The following RIMS2 variants were observed in gnomAD, a reference collection of about 807,000 sequenced individuals.
RIMS2 encodes regulating synaptic membrane exocytosis 2.
In RIMS2, 59 loss-of-function variants were observed where a neutral mutation model predicts 174.4. That is an observed-to-expected ratio of 0.34 (90% CI 0.27 to 0.42). The LOEUF (loss-of-function observed/expected upper bound fraction) is 0.42. Ranked by LOEUF, RIMS2 falls within the 10% of genes least tolerant of loss-of-function variation. The pLI is 1.00. For missense variants in RIMS2, 1,620 were observed against 1,666.3 expected (o/e 0.97, Z 0.48); for synonymous variants, 606 against 572.5 (o/e 1.06, Z -0.84).
At chr8:103,576,477 G>A (rs1369078791) in intron 1 of RIMS2, among the ~76,000 whole-genome samples, 1 of 152,148 alleles carries the variant, frequency 6.6e-6, no homozygotes, top group Non-Finnish European at 1.5e-5. Flanking sequence ...TCCTCAAATG[G>A]AGAACGAATG....
chr8:103,767,859 A>T (rs972460159), intron 3 of RIMS2, among the ~76,000 whole-genome samples: 1 of 152,206 alleles, frequency 6.6e-6, no homozygotes. Context: ...CCTCTGGGAG[A>T]CTGGGTAGAA....
intron 19 of RIMS2, among the ~76,000 whole-genome samples, chr8:104,140,777 T>C (rs1004329606): frequency 6.6e-6 from 1 of 152,140 alleles, no homozygotes; most frequent in African/African-American, 2.4e-5. Context: ...AATCAATCAA[T>C]TTGTGGCAAG....
chr8:104,234,225 A>G (rs772735424), intron 19 of RIMS2, among the ~76,000 whole-genome samples: 1 of 152,136 alleles, frequency 6.6e-6, no homozygotes, highest in East Asian at 1.9e-4. Flanking sequence ...AAAATTTGCA[A>G]ATAGTCAAAT....
chr8:103,536,863 T>G (rs1398555620), intron 1 of RIMS2, among the ~76,000 whole-genome samples: 1 of 152,214 alleles, frequency 6.6e-6, no homozygotes, highest in East Asian at 1.9e-4. Flanking sequence ...TCAGTCACAC[T>G]TTGAATAATG....
intron 3 of RIMS2, among the ~76,000 whole-genome samples, chr8:103,789,557 C>T (rs2098476852): frequency 6.6e-6 from 1 of 152,110 alleles, no homozygotes; most frequent in Non-Finnish European, 1.5e-5. Context: ...TTCACAGATC[C>T]TGCCAACATT....
rs78491456 is a variant in RIMS2, at chr8:103,651,101, C to T, written c.177-45985C>T. 3.7e-3 allele frequency among the ~76,000 whole-genome samples: 570 copies of T among 152,300 alleles called. 8 individuals are homozygous for T. The highest frequency in any genetic ancestry group is 0.013 in the African/African-American group (540 of 41,556). On this transcript the variant is annotated intron_variant, in intron 1 of 23. Coordinates refer to ENST00000504942, the Ensembl canonical transcript of RIMS2. ...TAGCTCAGTGTATTGGACCCAGGAC[C>T]CTGGTGATGTGGGTTCACGAGGATA...
At position 104,188,277 on chromosome 8, in the gene RIMS2, G is replaced by A. The variant is rs558868825; in HGVS notation, c.3335-56639G>A. On this transcript the variant is annotated intron_variant, in intron 19 of 23. Coordinates refer to ENST00000504942, the Ensembl canonical transcript of RIMS2. ...TAGATAGATAGATAGATAGATGGATGAAGTATAAAATCATCTAGATATAAA... is the reference window on the plus strand; with the variant it reads ...TAGATAGATAGATAGATAGATGGATAAAGTATAAAATCATCTAGATATAAA... Among the ~76,000 whole-genome samples the A allele has an allele frequency of 5.2e-3, 651 of 126,268 alleles. 2 individuals are homozygous for A. Among genetic ancestry groups the A allele is most frequent in the African/African-American group, 0.017 (590 of 33,748 alleles). The allele number at this position is 126,268 out of a possible 152,430, so 82.8% of individuals were successfully genotyped here.
In RIMS2 at chr8:103,536,287, A is replaced by C. The variant is rs539003080; in HGVS notation, c.176+35225A>C. On this transcript the variant is annotated intron_variant, in intron 1 of 23. Transcript: ENST00000504942. ...GGACCAAATTAAAAATTTAAAGTTT[A>C]TTTAAATACTTTTATAAATGTGATT... Among the ~76,000 whole-genome samples the C allele has an allele frequency of 7.4e-4, 112 of 152,332 alleles. 1 individual carries two copies. The highest frequency in any genetic ancestry group is 2.4e-3 in the African/African-American group (99 of 41,576).
intron 19 of RIMS2, among the ~76,000 whole-genome samples, chr8:104,078,595 C>T (rs1173480721): frequency 6.6e-6 from 1 of 152,142 alleles, no homozygotes; most frequent in African/African-American, 2.4e-5. Flanking sequence ...TTCTGAGGTA[C>T]TGAAGACTAG....
rs2097287081 is a variant in RIMS2 at position 104,076,135 on chromosome 8, G to T, written c.3334+61520G>T. 2.0e-5 allele frequency among the ~76,000 whole-genome samples: 3 copies of T among 152,146 alleles called. No homozygotes were observed. In the South Asian group the frequency reaches 6.2e-4, roughly 32 times the overall value. ...AATAAGAGCAGCATTATATAATATA[G>T]CTGTAGAATTGCACGAGATGCTAAT... On this transcript the variant is annotated intron_variant, in intron 19 of 23. Transcript: ENST00000504942.
chr8:103,519,590 T>C (rs139209538), intron 1 of RIMS2, among the ~76,000 whole-genome samples: 27 of 152,272 alleles, frequency 1.8e-4, no homozygotes, highest in African/African-American at 6.5e-4. Context: ...AGTTTGAAGT[T>C]CATTCTATAC....
chr8:103,537,555 A>G (rs1035252), intron 1 of RIMS2, among the ~76,000 whole-genome samples: 100,883 of 151,930 alleles, frequency 0.66, 34,374 homozygotes, highest in African/African-American at 0.76. Context: ...TTAAGCATCT[A>G]ACCTTTAGCA....
chr8:104,249,448 G>A (rs2099351857), intron 21 of RIMS2, 39 bp from the exon 28 acceptor site: 1 of 1,081,260 alleles, frequency 9.2e-7, no homozygotes, highest in Non-Finnish European at 1.4e-6. Flanking sequence ...TAGTGCATTT[G>A]TATATTAAAG....
chr8:103,744,387 TA>T (rs1330299398), intron 2 of RIMS2, among the ~76,000 whole-genome samples: 2 of 152,216 alleles, frequency 1.3e-5, no homozygotes, highest in Non-Finnish European at 1.5e-5. Context: ...TGGCTCCAAA[TA>T]TATGTCAGTG....
chr8:103,661,947 T>G (rs1253164144), intron 1 of RIMS2, among the ~76,000 whole-genome samples: 2 of 152,232 alleles, frequency 1.3e-5, no homozygotes, highest in African/African-American at 4.8e-5. Context: ...CTACTTTTTC[T>G]GAAGATTGAG....
intron 13 of RIMS2, among the ~76,000 whole-genome samples, chr8:103,939,691 A>G (rs2154537189): frequency 6.6e-6 from 1 of 152,272 alleles, no homozygotes; most frequent in East Asian, 1.9e-4. Flanking sequence ...CCAAACTTTT[A>G]TGCTCTGCTT....
At chr8:103,892,958 A>G (rs986684303) in intron 4 of RIMS2, among the ~76,000 whole-genome samples, 2 of 151,880 alleles carry the variant, frequency 1.3e-5, no homozygotes, top group Non-Finnish European at 2.9e-5. Flanking sequence ...AGGATATATT[A>G]TTATTATATT....
At chr8:104,063,709 A>G (rs2097049806) in intron 19 of RIMS2, among the ~76,000 whole-genome samples, 1 of 152,152 alleles carries the variant, frequency 6.6e-6, no homozygotes, top group African/African-American at 2.4e-5. Context: ...AGATTTGAGC[A>G]TTTTGTTTAA....
rs1819443642 is a variant in RIMS2, at chr8:103,501,078, C to T, written c.176+16C>T. ...CCGTGCTCAAGTAAGGACCTGGCTCCATATTCCCGCCTCTCTCCCTGCCCT... is the reference window on the plus strand; with the variant it reads ...CCGTGCTCAAGTAAGGACCTGGCTCTATATTCCCGCCTCTCTCCCTGCCCT... On this transcript the variant is annotated intron_variant, in intron 1 of 23. Transcript: ENST00000504942. 1 of 1,531,422 alleles carries T rather than the reference C, an allele frequency of 6.5e-7. No homozygotes were observed. The highest frequency in any genetic ancestry group is 1.9e-5 in the Admixed American group (1 of 53,116). The allele number at this position is 1,531,422 out of a possible 1,614,324, so 94.9% of individuals were successfully genotyped here.
Sources: gnomAD v4.1 joint callset for allele counts (sites outside exome capture counted in the v4.1 genomes callset) on GRCh38, gnomAD v4.1.1 for gene constraint, MANE v1.5 for transcripts, NCBI Gene and HGNC (gene_info 2026-07-23, HGNC 2026-07-21) for gene names.